CLEC12A: variants seen among roughly 807,000 people sequenced by gnomAD.
The protein encoded by CLEC12A is C-type lectin domain family 12 member A, also known as C-type lectin protein CLL-1.
CLEC12A carries 22 observed loss-of-function variants against 26.5 expected under a neutral mutation model. The observed-to-expected ratio is 0.83, with a 90% CI of 0.59 to 1.19. The LOEUF (loss-of-function observed/expected upper bound fraction) is 1.19. Ranked by LOEUF, CLEC12A falls within the 50% of genes most tolerant of loss-of-function variation. CLEC12A has a pLI of 0.00. For synonymous variants in CLEC12A, 119 were observed against 101.9 expected (o/e 1.17, Z -1.01); for missense variants, 353 against 315.6 (o/e 1.12, Z -0.90).
At position 9,957,383 on chromosome 12, in the gene CLEC12A, G is replaced by A. The variant is rs530794892; in HGVS notation, c.10+6027G>A. On this transcript the variant is annotated intron_variant, in intron 1 of 6. Transcript: ENST00000355690. ...CACGGCTGTAATCCCAGCTACTCAG[G>A]AGGCTGAGGCAGGAGAATCACTTGA... is the stretch of plus-strand genomic sequence containing the variant. Among the ~76,000 whole-genome samples, 24 of 152,008 alleles carry A rather than the reference G, an allele frequency of 1.6e-4. No individual in the cohort carries two copies. The South Asian group carries it at 5.0e-3, about 32-fold the overall frequency.
Position 9,985,160 on chromosome 12 carries a change from C to T in CLEC12A, c.*134C>T, listed in dbSNP as rs1267248640. ...GATTTTATCATGCAGATGAAACATCCAGGTAGCAAGCTTCAGAGAGAATAG... is the reference window on the plus strand; with the variant it reads ...GATTTTATCATGCAGATGAAACATCTAGGTAGCAAGCTTCAGAGAGAATAG... On this transcript the variant is annotated 3_prime_UTR_variant, in exon 6 of 6. Coordinates refer to ENST00000304361, the MANE Select transcript of CLEC12A (RefSeq NM_138337.6). 3.0e-6 allele frequency: 3 copies of T among 1,009,486 alleles called. No individual in the cohort carries two copies. In the East Asian group the frequency reaches 9.2e-5, roughly 31 times the overall value. The allele number at this position is 1,009,486 out of a possible 1,614,324, so 62.5% of individuals were successfully genotyped here. A position where few individuals can be genotyped will look rare whatever the true frequency, so the allele number is the denominator to read the frequency against.
chr12:9,984,546 G>C lies in CLEC12A; in HGVS notation c.642-324G>C, dbSNP rs111971159. The stretch of plus-strand genomic sequence containing the variant: ...TTACTACTCCTAGCCAGTTAGACTA[G>C]GAGAATCTTATGGAATGGTATTATT... On this transcript the variant is annotated intron_variant, in intron 5 of 5. Coordinates refer to ENST00000304361, the MANE Select transcript of CLEC12A (RefSeq NM_138337.6). Among the ~76,000 whole-genome samples, 528 of 152,196 alleles carry C rather than the reference G, an allele frequency of 3.5e-3. 5 individuals are homozygous for C. The highest frequency in any genetic ancestry group is 4.2e-3 in the Non-Finnish European group (284 of 68,010).
At chr12:9,953,580 G>A (rs1270842081) in intron 1 of CLEC12A, among the ~76,000 whole-genome samples, 1 of 151,072 alleles carries the variant, frequency 6.6e-6, no homozygotes, top group Non-Finnish European at 1.5e-5. Flanking sequence ...CGTCCGGGAG[G>A]GAGGTGGGGG....
intron 1 of CLEC12A, among the ~76,000 whole-genome samples, chr12:9,956,491 A>G (rs1863742672): frequency 6.6e-6 from 1 of 152,158 alleles, no homozygotes; most frequent in Non-Finnish European, 1.5e-5. Context: ...CAGAAAACTC[A>G]AGTTGTTTTG....
downstream of CLEC12A, chr12:9,998,498 G>C (rs535350547): frequency 7.4e-5 from 48 of 650,406 alleles, no homozygotes; most frequent in South Asian, 7.6e-4. Context: ...AAAGAGCTTT[G>C]CTGGCAGATC....
chr12:9,995,007 G>A, intron 4 of CLEC12A: 1 of 1,566,248 alleles, frequency 6.4e-7, no homozygotes, highest in Non-Finnish European at 8.6e-7. Context: ...GCGCTGTCTT[G>A]TTTGAATTAG....
chr12:10,002,441 T>TG, the CLEC12A span, among the ~76,000 whole-genome samples: 1 of 76,458 alleles, frequency 1.3e-5, no homozygotes, highest in East Asian at 6.4e-4. Context: ...TTGGGTAATG[T>TG]TTTTTTTTTT....
intron 1 of CLEC12A, among the ~76,000 whole-genome samples, chr12:9,965,185 G>A (rs565847026): frequency 1.2e-3 from 189 of 152,250 alleles, no homozygotes; most frequent in Admixed American, 9.9e-3. Context: ...AGGCTAAAAT[G>A]GTAAGGTCAA....
In CLEC12A at chr12:9,982,253, C is replaced by T. The variant is rs924176283; in HGVS notation, c.641+124C>T. 2.8e-5 allele frequency: 17 copies of T among 606,874 alleles called. No homozygotes were observed. In the African/African-American group the frequency reaches 3.1e-4, roughly 11 times the overall value. The allele number at this position is 606,874 out of a possible 1,614,324, so 37.6% of individuals were successfully genotyped here. A position where few individuals can be genotyped will look rare whatever the true frequency, so the allele number is the denominator to read the frequency against. On this transcript the variant is annotated intron_variant, in intron 5 of 5. Coordinates refer to ENST00000304361, the MANE Select transcript of CLEC12A (RefSeq NM_138337.6). ...AATTGCATGCTAAAAGAACCCTTTT[C>T]TATCATGCTTCTTTGATGTATTTTC...
chr12:9,971,486 G>A lies in CLEC12A; in HGVS notation c.-111G>A, dbSNP rs890940582. ...TTTAAACTTGTAAGCTTAAGCTTCC[G>A]TTTATAAACAGAAGTTTAAAATTAT... On this transcript the variant is annotated 5_prime_UTR_variant, in exon 1 of 6. Coordinates refer to ENST00000304361, the MANE Select transcript of CLEC12A (RefSeq NM_138337.6). 463 of 1,443,338 alleles carry A rather than the reference G, an allele frequency of 3.2e-4. No homozygotes were observed. The highest frequency in any genetic ancestry group is 1.1e-3 in the Middle Eastern group (6 of 5,486). The allele number at this position is 1,443,338 out of a possible 1,614,324, so 89.4% of individuals were successfully genotyped here.
At chr12:9,994,569 A>G (rs934007852) in intron 4 of CLEC12A, among the ~76,000 whole-genome samples, 4 of 152,212 alleles carry the variant, frequency 2.6e-5, no homozygotes, top group East Asian at 1.9e-4. Flanking sequence ...ACTCCACTCA[A>G]TGCAATCAGT....
downstream of CLEC12A, among the ~76,000 whole-genome samples, chr12:9,990,227 T>C (rs77402784): frequency 0.023 from 3,487 of 152,256 alleles, 56 homozygotes; most frequent in Non-Finnish European, 0.036. Context: ...ATACACATCA[T>C]AAGGCTATAA....
At chr12:10,001,116 A>T in the CLEC12A span, among the ~76,000 whole-genome samples, 1 of 152,202 alleles carries the variant, frequency 6.6e-6, no homozygotes, top group Admixed American at 6.5e-5. Flanking sequence ...ACAATTTTTA[A>T]ATTATTGTAA....
chr12:9,963,880 T>C (rs1863881798), intron 1 of CLEC12A, among the ~76,000 whole-genome samples: 1 of 152,092 alleles, frequency 6.6e-6, no homozygotes, highest in Non-Finnish European at 1.5e-5. Flanking sequence ...GGTAACTGCG[T>C]AGAGGGGGAG....
At chr12:9,995,927 A>T (rs192633836), downstream of CLEC12A, among the ~76,000 whole-genome samples, 42 of 152,300 alleles carry the variant, frequency 2.8e-4, no homozygotes, top group East Asian at 4.6e-3. Flanking sequence ...GCATAGGTCC[A>T]AATTCTGGAA....
chr12:9,988,518 G>A (rs1864821592), downstream of CLEC12A, among the ~76,000 whole-genome samples: 1 of 152,028 alleles, frequency 6.6e-6, no homozygotes, highest in African/African-American at 2.4e-5. Context: ...AAATTTACAA[G>A]AAAAAACAAA....
downstream of CLEC12A, chr12:9,999,183 C>T: frequency 2.3e-6 from 2 of 874,668 alleles, no homozygotes; most frequent in Non-Finnish European, 3.8e-6. Context: ...CAGTATCTGT[C>T]AGTTTATGAT....
intron 1 of CLEC12A, among the ~76,000 whole-genome samples, chr12:9,956,451 A>G (rs1007546951): frequency 2.0e-5 from 3 of 152,190 alleles, no homozygotes; most frequent in African/African-American, 7.2e-5. Flanking sequence ...TTAACATTTT[A>G]TAGATGAGAA....
the CLEC12A span, among the ~76,000 whole-genome samples, chr12:10,001,985 T>C: frequency 2.6e-5 from 4 of 151,616 alleles, no homozygotes; most frequent in African/African-American, 9.7e-5. Flanking sequence ...GTTCACGCCG[T>C]TCTCCTGCCT....
Sources: gnomAD v4.1 joint callset for allele counts (sites outside exome capture counted in the v4.1 genomes callset) on GRCh38, gnomAD v4.1.1 for gene constraint, MANE v1.5 for transcripts, NCBI Gene and HGNC (gene_info 2026-07-23, HGNC 2026-07-21) for gene names.